The following SNTG2 variants were observed in gnomAD, a reference collection of about 807,000 sequenced individuals.
The protein encoded by SNTG2 is gamma-2-syntrophin.
In SNTG2, 74 loss-of-function variants were observed where a neutral mutation model predicts 70.9. The ratio of observed to expected loss-of-function variants is 1.04; its 90% CI spans 0.86 to 1.27. SNTG2 has a LOEUF of 1.27. SNTG2 is among the 50% of genes most tolerant of loss of function. The probability of loss-of-function intolerance (pLI) is 0.00; values close to 1 mark genes in which losing one functional copy is unlikely to be tolerated. For synonymous variants in SNTG2, 278 were observed against 273.8 expected, an observed-to-expected ratio of 1.02 and a Z score of -0.15; for missense variants, 717 against 690.7, an observed-to-expected ratio of 1.04 and a Z score of -0.43.
chr2:1,298,331 T>G (rs142592179), intron 14 of SNTG2, among the ~76,000 whole-genome samples: 1,634 of 152,078 alleles, frequency 0.011, 28 homozygotes, highest in African/African-American at 0.036. Flanking sequence ...ATGGGGATTT[T>G]CCATGTTGCC....
chr2:1,194,995 G>A lies in SNTG2; in HGVS notation c.592-14108G>A, dbSNP rs542309477. ...ATGCAGTGTTTGGTTTTCTGTTCTT[G>A]CGTTAATTTGTGGAGGATGATGGTT... On this transcript the variant is annotated intron_variant, in intron 8 of 16. Transcript: ENST00000308624. 1.8e-4 allele frequency among the ~76,000 whole-genome samples: 27 copies of A among 152,176 alleles called. 1 individual carries two copies. In the South Asian group the frequency reaches 5.2e-3, roughly 29 times the overall value.
intron 16 of SNTG2, among the ~76,000 whole-genome samples, chr2:1,324,250 C>T (rs1681670903): frequency 6.6e-6 from 1 of 152,180 alleles, no homozygotes; most frequent in African/African-American, 2.4e-5. Flanking sequence ...GACAGTGTTG[C>T]AGAGTGGCAG....
chr2:1,331,647 T>A (rs984940049), intron 16 of SNTG2, among the ~76,000 whole-genome samples: 10 of 152,314 alleles, frequency 6.6e-5, no homozygotes, highest in Admixed American at 6.5e-4. Flanking sequence ...GATCCTTGTG[T>A]GGCCTTGAAT....
intron 14 of SNTG2, among the ~76,000 whole-genome samples, chr2:1,271,083 G>A (rs993147105): frequency 1.3e-5 from 2 of 152,082 alleles, no homozygotes; most frequent in African/African-American, 2.4e-5. Context: ...CTTCATGCAA[G>A]TCCTTGACTG....
intron 14 of SNTG2, among the ~76,000 whole-genome samples, chr2:1,300,968 T>C (rs1321280052): frequency 1.3e-5 from 2 of 152,202 alleles, no homozygotes; most frequent in African/African-American, 4.8e-5. Flanking sequence ...CTCTAATTGA[T>C]TGTGCTTCTC....
chr2:991,987 T>G (rs1185068880), intron 1 of SNTG2, among the ~76,000 whole-genome samples: 8 of 152,060 alleles, frequency 5.3e-5, no homozygotes, highest in Admixed American at 3.9e-4. Flanking sequence ...TTGACTCCAC[T>G]ATGACCCAGC....
At chr2:1,113,532 G>A (rs1356059314) in intron 4 of SNTG2, among the ~76,000 whole-genome samples, 4 of 151,688 alleles carry the variant, frequency 2.6e-5, no homozygotes, top group Non-Finnish European at 4.4e-5. Context: ...TGTGTGTACT[G>A]AGGTTTAACC....
intron 1 of SNTG2, 103 bp from the exon 2 acceptor site, chr2:1,083,415 G>A (rs887385105): frequency 3.9e-5 from 47 of 1,215,378 alleles, no homozygotes; most frequent in Middle Eastern, 3.9e-4. Flanking sequence ...AGCACTACAC[G>A]TGCATTTTAG....
intron 8 of SNTG2, among the ~76,000 whole-genome samples, chr2:1,208,145 G>C (rs1465455893): frequency 1.3e-5 from 2 of 152,190 alleles, no homozygotes; most frequent in African/African-American, 4.8e-5. Flanking sequence ...CTCAGGGCTG[G>C]TGCTTCCCGT....
intron 16 of SNTG2, among the ~76,000 whole-genome samples, chr2:1,366,844 C>T (rs1442894564): frequency 5.3e-5 from 8 of 151,156 alleles, no homozygotes; most frequent in East Asian, 2.0e-4. Context: ...CTCCCAAGGG[C>T]GGCCTTGGCA....
chr2:1,271,476 G>A (rs1224082769), intron 14 of SNTG2, among the ~76,000 whole-genome samples: 1 of 151,912 alleles, frequency 6.6e-6, no homozygotes, highest in Non-Finnish European at 1.5e-5. Context: ...TTTCCTAATA[G>A]CAACACAAAA....
intron 1 of SNTG2, among the ~76,000 whole-genome samples, chr2:961,070 A>G (rs1287595822): frequency 6.6e-6 from 1 of 152,260 alleles, no homozygotes; most frequent in Non-Finnish European, 1.5e-5. Context: ...TTCTGTTGAT[A>G]TAAATCTTTA....
At chr2:1,178,862 A>C (rs1443485327) in intron 8 of SNTG2, among the ~76,000 whole-genome samples, 10 of 152,328 alleles carry the variant, frequency 6.6e-5, no homozygotes, top group African/African-American at 2.4e-4. Context: ...TGACTGGAAT[A>C]GTTTCAGAAG....
chr2:1,314,951 C>G (rs1449664876), intron 15 of SNTG2, among the ~76,000 whole-genome samples: 1 of 152,180 alleles, frequency 6.6e-6, no homozygotes, highest in Non-Finnish European at 1.5e-5. Context: ...TTACCTCCCA[C>G]CAGGTCCCTC....
chr2:977,675 T>C (rs909791754), intron 1 of SNTG2, among the ~76,000 whole-genome samples: 1 of 152,192 alleles, frequency 6.6e-6, no homozygotes, highest in Non-Finnish European at 1.5e-5. Flanking sequence ...CATCGACAGC[T>C]ACTCATTGCT....
At chr2:1,158,701 G>C (rs1410368217) in intron 6 of SNTG2, among the ~76,000 whole-genome samples, 1 of 152,114 alleles carries the variant, frequency 6.6e-6, no homozygotes, top group Non-Finnish European at 1.5e-5. Flanking sequence ...TGCAGGGAAG[G>C]GTTACAGTGA....
intron 1 of SNTG2, among the ~76,000 whole-genome samples, chr2:951,646 C>G (rs116137602): frequency 1.6e-3 from 244 of 152,286 alleles, no homozygotes; most frequent in Non-Finnish European, 2.7e-3. Context: ...TAAATAACTC[C>G]CTCTTCACCT....
intron 1 of SNTG2, among the ~76,000 whole-genome samples, chr2:1,073,885 C>A (rs550994516): frequency 2.0e-5 from 3 of 152,196 alleles, no homozygotes; most frequent in African/African-American, 4.8e-5. Flanking sequence ...ATTTAATATG[C>A]CTATTTTGTA....
chr2:1,169,831 A>G (rs1671006223), intron 7 of SNTG2, among the ~76,000 whole-genome samples: 1 of 152,214 alleles, frequency 6.6e-6, no homozygotes, highest in Non-Finnish European at 1.5e-5. Context: ...TGCAGATCAC[A>G]GAGGCCAGGG....
Sources: allele counts gnomAD v4.1 joint callset (sites outside exome capture counted in the v4.1 genomes callset), GRCh38; gene constraint gnomAD v4.1.1; transcripts MANE v1.5; gene names NCBI Gene and HGNC (gene_info 2026-07-23, HGNC 2026-07-21).